The following AGT variants were observed in gnomAD, a reference collection of about 807,000 sequenced individuals.
AGT encodes alpha-1 antiproteinase, antitrypsin.
A neutral mutation model predicts 28.1 loss-of-function variants in AGT; 26 were observed. That is an observed-to-expected ratio of 0.92 (90% confidence interval 0.68 to 1.28). AGT has a LOEUF of 1.28. AGT is among the 50% of genes most tolerant of loss of function. The pLI, the probability that AGT is intolerant of heterozygous loss-of-function variation, is 0.00. For missense variants in AGT, 596 were observed against 592.3 expected, an observed-to-expected ratio of 1.01 and a Z score of -0.06; for synonymous variants, 259 against 259.6, an observed-to-expected ratio of 1.00 and a Z score of 0.02.
chr1:230,736,645 G>A (rs536581642), intron 1 of AGT, among the ~76,000 whole-genome samples: 2 of 152,316 alleles, frequency 1.3e-5, no homozygotes, highest in African/African-American at 4.8e-5. Context: ...TGGGTGTTCA[G>A]GATTTCATTA....
intron 1 of AGT, among the ~76,000 whole-genome samples, chr1:230,722,402 T>A (rs934887889): frequency 2.0e-5 from 3 of 152,200 alleles, no homozygotes; most frequent in African/African-American, 7.2e-5. Context: ...AGAGTTGCCA[T>A]TGGGGCACTG....
intron 3 of AGT, among the ~76,000 whole-genome samples, chr1:230,704,589 C>T (rs199771843): frequency 6.6e-5 from 10 of 152,344 alleles, no homozygotes; most frequent in Non-Finnish European, 1.2e-4. Context: ...AATGGTTGTC[C>T]TTTGGTGCAT....
In AGT at chr1:230,710,183, A is replaced by T. The variant is rs1663533806; in HGVS notation, c.641T>A (p.Phe214Tyr). ...GGTATAGAGAGCCAGGCCCTGCACA[A>T]ACGGCTGCTTCAGGTGCAGGCCTGG... is the stretch of plus-strand genomic sequence containing the variant. ...TAPGLHLKQP[F>Y]VQGLALYTPV... The change falls in exon 2 of 5, where the codon TTT (phenylalanine) becomes TAT (tyrosine). Residue 214 changes from phenylalanine (F) to tyrosine (Y), a missense_variant. By Grantham distance (22) the Phe-to-Tyr change is conservative. Coordinates refer to ENST00000366667, the MANE Select transcript of AGT (RefSeq NM_001384479.1). 3.7e-6 allele frequency: 6 copies of T among 1,613,892 alleles called. No individual in the cohort carries two copies.
At chr1:230,733,181 G>C (rs1337871504) in intron 1 of AGT, among the ~76,000 whole-genome samples, 1 of 152,096 alleles carries the variant, frequency 6.6e-6, no homozygotes, top group East Asian at 1.9e-4. Context: ...TACTCAGGAG[G>C]CTGAGGCAGG....
At chr1:230,707,078 C>T (rs1571974898) in intron 2 of AGT, among the ~76,000 whole-genome samples, 1 of 152,244 alleles carries the variant, frequency 6.6e-6, no homozygotes, top group East Asian at 1.9e-4. Context: ...AATGGATTTG[C>T]ACACTGGGCC....
In AGT at chr1:230,703,104, G is replaced by A. The variant is rs1050444951; in HGVS notation, c.*37C>T. 1.2e-6 allele frequency: 2 copies of A among 1,608,082 alleles called. No individual in the cohort carries two copies. Among genetic ancestry groups the A allele is most frequent in the African/African-American group, 1.3e-5 (1 of 74,890 alleles). On this transcript the variant is annotated 3_prime_UTR_variant, in exon 5 of 5. Coordinates refer to ENST00000366667, the MANE Select transcript of AGT (RefSeq NM_001384479.1). ...GCCTTTGCCTCAAAGGCCAGGGGCA[G>A]AGGCCTTGCCAGGCACTGTGTTCTG...
intron 1 of AGT, among the ~76,000 whole-genome samples, chr1:230,735,658 G>A (rs1313213284): frequency 2.0e-5 from 3 of 152,030 alleles, no homozygotes; most frequent in African/African-American, 7.3e-5. Context: ...TTACACAGAT[G>A]GTGTCACAGG....
rs368639457 is a variant in AGT, at chr1:230,745,252, AG to A, written c.-31+262del. On this transcript the variant is annotated intron_variant, in intron 1 of 4. Coordinates refer to the AGT transcript ENST00000681269. ...GAGTGGCAGGGGGTGCAGAGAGGAT[AG>A]GGGAAAGGGAGGAATCAGCAGCTCC... Among the ~76,000 whole-genome samples, 578 of 152,276 alleles carry A rather than the reference AG, an allele frequency of 3.8e-3. 6 individuals are homozygous for A. Among genetic ancestry groups the A allele is most frequent in the African/African-American group, 0.014 (565 of 41,566 alleles).
chr1:230,705,817 C>T (rs1663367601), intron 3 of AGT, 116 bp downstream of exon 3: 2 of 1,408,416 alleles, frequency 1.4e-6, no homozygotes, highest in Non-Finnish European at 2.0e-6. Context: ...GCCACCGCGG[C>T]CCTGCCCTGC....
At chr1:230,742,558 G>A (rs1044240329) in intron 1 of AGT, among the ~76,000 whole-genome samples, 6 of 152,168 alleles carry the variant, frequency 3.9e-5, no homozygotes, top group African/African-American at 4.8e-5. Context: ...CTCATGATCC[G>A]CCTGCCTTAG....
At chr1:230,721,373 A>G (rs1202062803) in intron 1 of AGT, among the ~76,000 whole-genome samples, 1 of 152,248 alleles carries the variant, frequency 6.6e-6, no homozygotes, top group Non-Finnish European at 1.5e-5. Flanking sequence ...TTTGCTTGGC[A>G]TATAGAGTTA....
chr1:230,716,738 C>G (rs1348273484), upstream of AGT, among the ~76,000 whole-genome samples: 1 of 152,128 alleles, frequency 6.6e-6, no homozygotes, highest in South Asian at 2.1e-4. Flanking sequence ...CCACGTGGAA[C>G]ACATAAGTCC....
chr1:230,744,396 CA>C (rs1664303526), intron 1 of AGT, among the ~76,000 whole-genome samples: 2 of 152,196 alleles, frequency 1.3e-5, no homozygotes, highest in Admixed American at 1.3e-4. Flanking sequence ...AAGACAAAGT[CA>C]TGGAGAAGTC....
chr1:230,708,886 A>G (rs1270263477), intron 2 of AGT, among the ~76,000 whole-genome samples: 1 of 152,100 alleles, frequency 6.6e-6, no homozygotes, highest in African/African-American at 2.4e-5. Context: ...ATGGCGTTCA[A>G]AGTGTCTCCA....
At position 230,710,008 on chromosome 1, in the gene AGT, G is replaced by C; in HGVS notation, c.816C>G (p.Tyr272Ter). 6.2e-7 allele frequency: 1 copy of C among 1,614,190 alleles called. No individual in the cohort carries two copies. Among genetic ancestry groups the C allele is most frequent in the Admixed American group, 1.7e-5 (1 of 60,034 alleles). Reference protein sequence around the residue: ...SVDSTLAFNTYVHFQGKMKGF... With the variant: ...SVDSTLAFNT ...GGTTTGCCTTACCTTGGAAGTGGAC[G>C]TAGGTGTTGAAAGCCAGGGTGCTGT... The change falls in exon 2 of 5, where the codon TAC (tyrosine) becomes TAG (stop). Residue 272 changes from tyrosine to a stop codon, truncating the protein, a stop_gained. Transcript: ENST00000366667. LOFTEE classifies it high-confidence loss of function.
At chr1:230,705,598 G>A (rs929290831) in intron 3 of AGT, among the ~76,000 whole-genome samples, 9 of 152,250 alleles carry the variant, frequency 5.9e-5, no homozygotes, top group Non-Finnish European at 1.3e-4. Context: ...TGTGTCAGGT[G>A]TGGGACCAAA....
At chr1:230,707,380 A>C (rs1469810152) in intron 2 of AGT, among the ~76,000 whole-genome samples, 4 of 152,204 alleles carry the variant, frequency 2.6e-5, no homozygotes, top group Non-Finnish European at 5.9e-5. Flanking sequence ...GGCACGTGGC[A>C]CTTGGGAGTC....
intron 1 of AGT, 129 bp from the exon 2 acceptor site, chr1:230,710,982 C>CA (rs143678884): frequency 3.7e-4 from 447 of 1,220,282 alleles, no homozygotes; most frequent in Non-Finnish European, 4.6e-4. Context: ...TTCATGTCTA[C>CA]AAAAAAAAGA....
upstream of AGT, among the ~76,000 whole-genome samples, chr1:230,714,982 T>A (rs1571979840): frequency 6.6e-6 from 1 of 151,470 alleles, no homozygotes; most frequent in East Asian, 1.9e-4. Flanking sequence ...AGGTTGGGAG[T>A]GGTGATGTGT....
Sources: allele counts gnomAD v4.1 joint callset (sites outside exome capture counted in the v4.1 genomes callset), GRCh38; gene constraint gnomAD v4.1.1; transcripts MANE v1.5; gene names NCBI Gene and HGNC (gene_info 2026-07-23, HGNC 2026-07-21).